MTSS2: variants seen among roughly 807,000 people sequenced by gnomAD.
MTSS2 encodes the protein MTSS I-BAR domain containing 2.
Under a neutral mutation model 67.1 loss-of-function variants are expected in MTSS2, and 27 were observed. The observed-to-expected ratio is 0.40, with a 90% CI of 0.30 to 0.55. MTSS2 has a LOEUF of 0.55. Among genes scored for constraint, MTSS2 ranks in the 20% least tolerant of loss-of-function variants. The probability of loss-of-function intolerance (pLI) is 0.43; values close to 1 mark genes in which losing one functional copy is unlikely to be tolerated. For synonymous variants in MTSS2, 624 were observed against 468.6 expected (o/e 1.33, Z -4.28); for missense variants, 1,171 against 1,067.8 (o/e 1.10, Z -1.35).
rs1353231109 is a variant in MTSS2 at position 70,680,001 on chromosome 16, C to G, written c.260G>C (p.Ser87Thr). Reference protein sequence around the residue: ...ALTRMCMRHRSIETKLRQFTN... With the variant: ...ALTRMCMRHRTIETKLRQFTN... ...GAACTGCCGCAGCTTGGTCTCGATG[C>G]TGCGGTGGCGCATGCACATGCGTGT... The change falls in exon 4 of 15, where the codon AGC (serine) becomes ACC (threonine). Residue 87 changes from serine (S) to threonine (T), a missense_variant. This residue lies in a region of MTSS2 where 247 missense variants were observed against 311.8 expected (regional missense o/e 0.79). Coordinates refer to ENST00000338779, the MANE Select transcript of MTSS2 (RefSeq NM_138383.3). The G allele has an allele frequency of 6.5e-7, 1 of 1,538,458 alleles. No individual in the cohort carries two copies. Among genetic ancestry groups the G allele is most frequent in the Non-Finnish European group, 8.7e-7 (1 of 1,150,900 alleles).
intron 1 of MTSS2, among the ~76,000 whole-genome samples, chr16:70,682,811 C>T (rs534163491): frequency 3.5e-4 from 53 of 152,322 alleles, no homozygotes; most frequent in African/African-American, 1.2e-3. Flanking sequence ...TCAGCCTTCA[C>T]CTGGGACAGG....
chr16:70,670,063 G>T (rs1009630768), intron 11 of MTSS2, among the ~76,000 whole-genome samples: 45 of 151,560 alleles, frequency 3.0e-4, no homozygotes, highest in Non-Finnish European at 4.3e-4. Flanking sequence ...CTGAGGTCAG[G>T]AGTTTGAGAC....
Position 70,663,851 on chromosome 16 carries a change from C to G in MTSS2, c.2070G>C (p.Glu690Asp). 1 of 1,542,068 alleles carries G rather than the reference C, an allele frequency of 6.5e-7. No individual in the cohort carries two copies. Among genetic ancestry groups the G allele is most frequent in the Middle Eastern group, 1.9e-4 (1 of 5,286 alleles). Residue 690 changes from glutamate (E) to aspartate (D), a missense_variant, in exon 15 of 15, where the codon GAG becomes GAC. This residue lies in a region of MTSS2 where 924 missense variants were observed against 756.0 expected (regional missense o/e 1.22). Transcript: ENST00000338779. Reference sequence around the variant, plus strand: ...GAGCAGTGGGGAAGGGGAACTGGCCCTCACCCAGTGCGTGGGCACCCGCCA... The same window carrying G: ...GAGCAGTGGGGAAGGGGAACTGGCCGTCACCCAGTGCGTGGGCACCCGCCA... ...ELVAGAHALGEGQFPFPTALS... is the reference protein window; with the variant it reads ...ELVAGAHALGDGQFPFPTALS...
chr16:70,685,665 G>A, intron 1 of MTSS2, 58 bp downstream of exon 1: 1 of 1,075,044 alleles, frequency 9.3e-7, no homozygotes. Flanking sequence ...GCCGCCACGC[G>A]TCCCCGGGGG....
At chr16:70,674,757 G>A (rs953548636) in intron 10 of MTSS2, among the ~76,000 whole-genome samples, 5 of 152,210 alleles carry the variant, frequency 3.3e-5, no homozygotes, top group African/African-American at 9.6e-5. Context: ...GTGCTGAGGG[G>A]AGCCGTGGTC....
chr16:70,685,889 C>A lies in MTSS2; in HGVS notation c.-98G>T. 3.6e-6 allele frequency: 2 copies of A among 551,732 alleles called. No individual in the cohort carries two copies. Among genetic ancestry groups the A allele is most frequent in the Non-Finnish European group, 4.6e-6 (2 of 434,022 alleles). The allele number at this position is 551,732 out of a possible 1,614,324, so 34.2% of individuals were successfully genotyped here. A position where few individuals can be genotyped will look rare whatever the true frequency, so the allele number is the denominator to read the frequency against. ...GGCCGCGCGGGCGCTCGCTCCGAGG[C>A]CGGGCCGGGCCTCCCGCCTCCAGGC... On this transcript the variant is annotated 5_prime_UTR_variant, in exon 1 of 15. Transcript: ENST00000338779.
At chr16:70,674,226 T>G (rs939915195) in intron 11 of MTSS2, 80 bp downstream of exon 11, 8 of 1,127,782 alleles carry the variant, frequency 7.1e-6, no homozygotes, top group African/African-American at 1.7e-5. Context: ...ACAGCTATAG[T>G]AGTCCCGCAT....
chr16:70,670,063 G>C (rs1009630768), intron 11 of MTSS2, among the ~76,000 whole-genome samples: 4 of 151,560 alleles, frequency 2.6e-5, no homozygotes, highest in Non-Finnish European at 4.4e-5. Context: ...CTGAGGTCAG[G>C]AGTTTGAGAC....
chr16:70,665,814 G>A, intron 11 of MTSS2: 1 of 325,990 alleles, frequency 3.1e-6, no homozygotes, highest in South Asian at 7.4e-5. Context: ...ACTGCTGACG[G>A]CCTGGATATG....
chr16:70,666,389 C>T (rs183023841), intron 11 of MTSS2, among the ~76,000 whole-genome samples: 1 of 152,294 alleles, frequency 6.6e-6, no homozygotes, highest in Non-Finnish European at 1.5e-5. Context: ...CCCCCCACTC[C>T]TAAACAACTA....
rs750436739 is a variant in MTSS2 at position 70,679,716 on chromosome 16, G to C, written c.383-12C>G. On this transcript the variant is annotated splice_polypyrimidine_tract_variant and intron_variant, in intron 5 of 14. Transcript: ENST00000338779. ...GGCTCGTTTGTACTCTGCAGAAGGG[G>C]AGAGCGGAGCGCTCTAATGGGGTCC... The C allele has an allele frequency of 1.2e-6, 2 of 1,611,012 alleles. No homozygotes were observed. The highest frequency in any genetic ancestry group is 1.7e-6 in the Non-Finnish European group (2 of 1,178,700).
rs79962739 is a variant in MTSS2 at position 70,665,676 on chromosome 16, C to G, written c.1054-136G>C. 5,679 of 684,994 alleles carry G rather than the reference C, an allele frequency of 8.3e-3. 219 individuals are homozygous for G. The highest frequency in any genetic ancestry group is 0.082 in the African/African-American group (4,524 of 55,498). 42.4% of individuals were successfully genotyped at this position (684,994 alleles called of 1,614,324 possible). On this transcript the variant is annotated intron_variant, in intron 11 of 14. Coordinates refer to ENST00000338779, the MANE Select transcript of MTSS2 (RefSeq NM_138383.3). ...ATTCAGCGCCTTGCCCAGCACCCAC[C>G]CCCCCTACCCCAGGGCCACGGCCGC... is the stretch of plus-strand genomic sequence containing the variant.
At chr16:70,666,425 A>G (rs1019914145) in intron 11 of MTSS2, among the ~76,000 whole-genome samples, 18 of 152,372 alleles carry the variant, frequency 1.2e-4, no homozygotes, top group African/African-American at 4.3e-4. Context: ...AAAGCAGGGT[A>G]GACACAGGCC....
intron 12 of MTSS2, 135 bp from the exon 13 acceptor site, chr16:70,665,231 A>C (rs1597798557): frequency 4.6e-6 from 5 of 1,085,534 alleles, no homozygotes; most frequent in Non-Finnish European, 6.5e-6. Context: ...AGCCAAGGGC[A>C]GAGCATGGAG....
intron 7 of MTSS2, 112 bp from the exon 8 acceptor site, chr16:70,678,521 G>GCCC (rs2053194567): frequency 7.6e-7 from 1 of 1,320,382 alleles, no homozygotes; most frequent in Non-Finnish European, 1.0e-6. Context: ...GCTGGGTGTT[G>GCCC]CCCTGGGGCC....
Position 70,685,764 on chromosome 16 carries a change from C to T in MTSS2, c.28G>A (p.Ala10Thr). Residue 10 changes from alanine (A) to threonine (T), a missense_variant, in exon 1 of 15, where the codon GCC (alanine) becomes ACC (threonine). Transcript: ENST00000338779. ...ATGGCCTGGAAGAGCCCGCCCAGGGCGCCGCACTCCTTCTCCGCCGTCTCC... is the reference window on the plus strand; with the variant it reads ...ATGGCCTGGAAGAGCCCGCCCAGGGTGCCGCACTCCTTCTCCGCCGTCTCC... METAEKECG[A>T]LGGLFQAIVN... The T allele has an allele frequency of 7.2e-7, 1 of 1,389,062 alleles. No individual in the cohort carries two copies. The highest frequency in any genetic ancestry group is 9.5e-7 in the Non-Finnish European group (1 of 1,051,768). The allele number at this position is 1,389,062 out of a possible 1,614,324, so 86.0% of individuals were successfully genotyped here.
chr16:70,674,940 C>T (rs1049094432), intron 10 of MTSS2, among the ~76,000 whole-genome samples: 8 of 152,130 alleles, frequency 5.3e-5, no homozygotes, highest in African/African-American at 1.9e-4. Flanking sequence ...TAGCGAAACC[C>T]CATCACCACT....
chr16:70,680,916 G>T, intron 2 of MTSS2, 48 bp downstream of exon 2: 1 of 1,208,018 alleles, frequency 8.3e-7, no homozygotes, highest in South Asian at 1.3e-5. Flanking sequence ...GGCGGGGGGG[G>T]GGCCTCTGCC....
At chr16:70,672,945 GA>G (rs111530964) in intron 11 of MTSS2, among the ~76,000 whole-genome samples, 4 of 152,236 alleles carry the variant, frequency 2.6e-5, no homozygotes, top group African/African-American at 9.6e-5. Context: ...CAGATCCCTT[GA>G]GCCCAGGAGT....
Sources: allele counts gnomAD v4.1 joint callset (sites outside exome capture counted in the v4.1 genomes callset), GRCh38; gene constraint gnomAD v4.1.1; regional missense constraint gnomAD v4.1.1; transcripts MANE v1.5; gene names NCBI Gene and HGNC (gene_info 2026-07-23, HGNC 2026-07-21).